CAPN13: variants seen among roughly 807,000 people sequenced by gnomAD.
CAPN13 encodes the protein calpain 13.
A neutral mutation model predicts 98.4 loss-of-function variants in CAPN13; 90 were observed. The ratio of observed to expected loss-of-function variants is 0.92; its 90% CI spans 0.77 to 1.09. The LOEUF (loss-of-function observed/expected upper bound fraction) is 1.09. CAPN13 is among the 50% of genes least tolerant of loss of function. The pLI, the probability that CAPN13 is intolerant of heterozygous loss-of-function variation, is 0.00. For synonymous variants in CAPN13, 330 were observed against 305.5 expected (o/e 1.08, Z -0.84); for missense variants, 887 against 841.3 (o/e 1.05, Z -0.67).
chr2:30,765,277 T>C (rs1673055050), intron 5 of CAPN13, among the ~76,000 whole-genome samples: 2 of 152,080 alleles, frequency 1.3e-5, no homozygotes, highest in East Asian at 1.9e-4. Flanking sequence ...CAGGGCAAGC[T>C]CACAGAGGAT....
chr2:30,754,671 C>A (rs549139760), intron 8 of CAPN13, among the ~76,000 whole-genome samples: 2 of 152,130 alleles, frequency 1.3e-5, no homozygotes, highest in Non-Finnish European at 2.9e-5. Context: ...TCTGCCACCT[C>A]CTATTGCCTG....
chr2:30,731,325 G>T lies in CAPN13; in HGVS notation c.1983+19C>A. ...CAGCCTGGGACTGTGCCTGCCCCGG[G>T]GAGGGGAAGGTACCTCACCTCCATT... On this transcript the variant is annotated intron_variant, in intron 21 of 22. Coordinates refer to ENST00000295055, the MANE Select transcript of CAPN13 (RefSeq NM_144575.3). 2 of 1,603,036 alleles carry T rather than the reference G, an allele frequency of 1.2e-6. No homozygotes were observed. Among genetic ancestry groups the T allele is most frequent in the Middle Eastern group, 1.7e-4 (1 of 5,890 alleles).
intron 3 of CAPN13, 47 bp from the exon 4 acceptor site, chr2:30,776,092 AACCC>A: frequency 7.8e-7 from 1 of 1,279,040 alleles, no homozygotes; most frequent in Non-Finnish European, 1.1e-6. Context: ...CACACTTGGA[AACCC>A]TCCCCCATAA....
chr2:30,732,683 A>C, intron 19 of CAPN13, 117 bp from the exon 20 acceptor site: 1 of 1,321,372 alleles, frequency 7.6e-7, no homozygotes, highest in Non-Finnish European at 1.0e-6. Context: ...AACTCCTCCC[A>C]CTCAGCCCCC....
At chr2:30,761,248 C>A (rs1339233518) in intron 7 of CAPN13, among the ~76,000 whole-genome samples, 1 of 152,146 alleles carries the variant, frequency 6.6e-6, no homozygotes, top group Non-Finnish European at 1.5e-5. Flanking sequence ...ATGGATTACA[C>A]GGGACATGCG....
At chr2:30,799,990 C>T (rs1358317627) in intron 1 of CAPN13, among the ~76,000 whole-genome samples, 1 of 151,952 alleles carries the variant, frequency 6.6e-6, no homozygotes, top group Non-Finnish European at 1.5e-5. Context: ...AGGAGAATGG[C>T]ATGAACCCGG....
rs376923988 is a variant in CAPN13 at position 30,736,556 on chromosome 2, G to A, written c.1669C>T (p.Arg557Trp). 57 of 1,613,956 alleles carry A rather than the reference G, an allele frequency of 3.5e-5. No homozygotes were observed. The highest frequency in any genetic ancestry group is 1.6e-4 in the African/African-American group (12 of 75,030). Reference sequence around the variant, plus strand: ...CGCGCAAACTCCTCTTGGTCTAGCCGCCCATTCACTTTCAGCTGGGTAAGG... The same window carrying A: ...CGCGCAAACTCCTCTTGGTCTAGCCACCCATTCACTTTCAGCTGGGTAAGG... ...VALMELKVNG[R>W]LDQEEFARLW... Residue 557 changes from arginine to tryptophan, a missense_variant, in exon 18 of 23, where the codon CGG (arginine) becomes TGG (tryptophan). Transcript: ENST00000295055.
At chr2:30,779,492 A>T (rs1673879099) in intron 2 of CAPN13, among the ~76,000 whole-genome samples, 1 of 152,214 alleles carries the variant, frequency 6.6e-6, no homozygotes, top group Non-Finnish European at 1.5e-5. Flanking sequence ...ACAGCCTTGT[A>T]AAGCTGGACC....
intron 4 of CAPN13, among the ~76,000 whole-genome samples, chr2:30,773,529 G>A (rs1349433235): frequency 6.6e-6 from 1 of 152,058 alleles, no homozygotes; most frequent in Non-Finnish European, 1.5e-5. Flanking sequence ...AATAGAACAG[G>A]GAAATGTGCA....
intron 1 of CAPN13, among the ~76,000 whole-genome samples, chr2:30,802,928 G>C (rs751772873): frequency 6.6e-6 from 1 of 152,298 alleles, no homozygotes; most frequent in South Asian, 2.1e-4. Flanking sequence ...GAAGGCTTGA[G>C]GACAGGTCTG....
intron 2 of CAPN13, among the ~76,000 whole-genome samples, chr2:30,779,490 G>A (rs1331829809): frequency 6.6e-6 from 1 of 152,208 alleles, no homozygotes; most frequent in Non-Finnish European, 1.5e-5. Context: ...CAACAGCCTT[G>A]TAAAGCTGGA....
At chr2:30,759,734 G>T (rs1672737657) in intron 7 of CAPN13, among the ~76,000 whole-genome samples, 1 of 152,178 alleles carries the variant, frequency 6.6e-6, no homozygotes, top group Admixed American at 6.5e-5. Context: ...ATCCAGCCAC[G>T]GTGAGTATCT....
chr2:30,729,383 A>G (rs1670980018), intron 22 of CAPN13, among the ~76,000 whole-genome samples: 1 of 152,232 alleles, frequency 6.6e-6, no homozygotes, highest in South Asian at 2.1e-4. Context: ...AAAAATAGGA[A>G]GGGTGGAAAC....
chr2:30,807,091 T>C (rs1239806290), intron 1 of CAPN13, among the ~76,000 whole-genome samples: 10 of 152,206 alleles, frequency 6.6e-5, no homozygotes. Context: ...CTTAGAAAAT[T>C]AACTCCCACT....
chr2:30,739,152 G>A (rs1671528565), intron 15 of CAPN13, among the ~76,000 whole-genome samples: 1 of 152,186 alleles, frequency 6.6e-6, no homozygotes, highest in Non-Finnish European at 1.5e-5. Context: ...TTGACAGGCA[G>A]TGTCTTTGAT....
intron 2 of CAPN13, among the ~76,000 whole-genome samples, chr2:30,778,195 G>A (rs1673799168): frequency 6.6e-6 from 1 of 152,192 alleles, no homozygotes; most frequent in Admixed American, 6.5e-5. Flanking sequence ...GGTCTGGAAG[G>A]CCGCAGTCCC....
intron 5 of CAPN13, among the ~76,000 whole-genome samples, chr2:30,765,641 T>C (rs1184220759): frequency 6.6e-6 from 1 of 152,202 alleles, no homozygotes; most frequent in African/African-American, 2.4e-5. Context: ...CCTTTCTCAC[T>C]GTTTCCACCT....
chr2:30,772,311 G>A (rs1255323148), intron 4 of CAPN13, among the ~76,000 whole-genome samples: 1 of 152,158 alleles, frequency 6.6e-6, no homozygotes, highest in African/African-American at 2.4e-5. Context: ...AAACCAGAGT[G>A]TTTTAGGCAA....
Position 30,738,296 on chromosome 2 carries a change from G to A in CAPN13, c.1595-3C>T, listed in dbSNP as rs1447638810. 2.5e-6 allele frequency: 4 copies of A among 1,613,788 alleles called. No individual in the cohort carries two copies. The Admixed American group carries it at 6.7e-5, about 27-fold the overall frequency. On this transcript the variant is annotated splice_polypyrimidine_tract_variant and splice_region_variant and intron_variant, in intron 16 of 22. Transcript: ENST00000295055. ...GGAGAACATGTCCCCTGGAGGTCCT[G>A]AGGAGAGAAGGACAGGAAGGACTGA...
Sources: gnomAD v4.1 joint callset for allele counts (sites outside exome capture counted in the v4.1 genomes callset) on GRCh38, gnomAD v4.1.1 for gene constraint, MANE v1.5 for transcripts, NCBI Gene and HGNC (gene_info 2026-07-23, HGNC 2026-07-21) for gene names.